SEMA3A: variants seen among roughly 807,000 people sequenced by gnomAD.
SEMA3A encodes semaphorin-3A.
SEMA3A carries 29 observed loss-of-function variants against 97.9 expected under a neutral mutation model. The ratio of observed to expected loss-of-function variants is 0.30; its 90% CI spans 0.22 to 0.40. The LOEUF is 0.40. Among genes scored for constraint, SEMA3A ranks in the 10% least tolerant of loss-of-function variants. The pLI, the probability that SEMA3A is intolerant of heterozygous loss-of-function variation, is 1.00. For missense variants in SEMA3A, 763 were observed against 951.3 expected, an observed-to-expected ratio of 0.80 and a Z score of 2.60; for synonymous variants, 321 against 323.7, an observed-to-expected ratio of 0.99 and a Z score of 0.09.
chr7:83,975,321 C>G (rs1789099823), intron 15 of SEMA3A, among the ~76,000 whole-genome samples: 1 of 151,926 alleles, frequency 6.6e-6, no homozygotes, highest in Admixed American at 6.6e-5. Flanking sequence ...TAAAAATTTT[C>G]AAAACACAGC....
chr7:84,347,077 T>C (rs1171629810), intron 2 of SEMA3A, among the ~76,000 whole-genome samples: 1 of 152,210 alleles, frequency 6.6e-6, no homozygotes, highest in Admixed American at 6.5e-5. Flanking sequence ...AATTTACCTG[T>C]ATTATTTGTG....
chr7:84,149,514 A>G (rs1796564511), intron 1 of SEMA3A, among the ~76,000 whole-genome samples: 1 of 152,214 alleles, frequency 6.6e-6, no homozygotes, highest in Non-Finnish European at 1.5e-5. Context: ...TGGAAAGGAC[A>G]ATAGACTAAA....
chr7:84,385,492 C>T (rs1015455948), intron 1 of SEMA3A, among the ~76,000 whole-genome samples: 7 of 152,186 alleles, frequency 4.6e-5, no homozygotes, highest in Non-Finnish European at 4.4e-5. Context: ...CGTTTCATTG[C>T]TAGTACAACT....
intron 12 of SEMA3A, among the ~76,000 whole-genome samples, chr7:83,991,126 T>A (rs1215574380): frequency 2.0e-5 from 3 of 150,392 alleles, no homozygotes; most frequent in African/African-American, 7.3e-5. Flanking sequence ...TGTTTGTCTG[T>A]TGTTGGTGTA....
intron 4 of SEMA3A, among the ~76,000 whole-genome samples, chr7:84,087,070 G>A (rs1794404733): frequency 6.6e-6 from 1 of 151,960 alleles, no homozygotes; most frequent in South Asian, 2.1e-4. Flanking sequence ...AACAAAGATG[G>A]TACATTTGCT....
At chr7:84,396,611 T>C (rs1421942773) in intron 1 of SEMA3A, among the ~76,000 whole-genome samples, 1 of 151,974 alleles carries the variant, frequency 6.6e-6, no homozygotes, top group Non-Finnish European at 1.5e-5. Context: ...AAAGAAAATA[T>C]TTGTTTTCAG....
At chr7:84,249,957 G>A (rs1799567925) in intron 3 of SEMA3A, among the ~76,000 whole-genome samples, 2 of 150,834 alleles carry the variant, frequency 1.3e-5, no homozygotes, top group Admixed American at 6.6e-5. Flanking sequence ...TCTGAGACTG[G>A]TATTCTTTCT....
At chr7:84,363,725 ATTG>A (rs1802780014) in intron 2 of SEMA3A, among the ~76,000 whole-genome samples, 1 of 151,844 alleles carries the variant, frequency 6.6e-6, no homozygotes, top group African/African-American at 2.4e-5. Context: ...TTTTTGTGAT[ATTG>A]TTATCAATTC....
At chr7:84,283,484 T>G (rs775251820) in intron 3 of SEMA3A, among the ~76,000 whole-genome samples, 18 of 152,074 alleles carry the variant, frequency 1.2e-4, no homozygotes, top group Non-Finnish European at 2.2e-4. Context: ...AGTGCTCTCA[T>G]TTACTAAGTG....
chr7:84,245,611 T>A (rs1172362287), intron 3 of SEMA3A, among the ~76,000 whole-genome samples: 4 of 151,788 alleles, frequency 2.6e-5, no homozygotes, highest in African/African-American at 9.7e-5. Context: ...GTCAGGCCCC[T>A]CTGCTGCAGG....
intron 3 of SEMA3A, among the ~76,000 whole-genome samples, chr7:84,259,279 T>C (rs1403283590): frequency 6.6e-6 from 1 of 152,086 alleles, no homozygotes; most frequent in Non-Finnish European, 1.5e-5. Context: ...ATGAAGAGAG[T>C]TTTGTTTCTT....
At chr7:84,147,005 C>T (rs2116097508) in intron 1 of SEMA3A, among the ~76,000 whole-genome samples, 1 of 152,244 alleles carries the variant, frequency 6.6e-6, no homozygotes, top group Middle Eastern at 3.4e-3. Context: ...CAGTCTTGCT[C>T]AATTATTTAC....
At chr7:84,291,685 A>G (rs1036405940) in intron 3 of SEMA3A, among the ~76,000 whole-genome samples, 2 of 152,138 alleles carry the variant, frequency 1.3e-5, no homozygotes, top group Non-Finnish European at 2.9e-5. Context: ...ATATAATAGA[A>G]GATGATTTTC....
At chr7:84,369,566 C>T (rs1432470506) in intron 2 of SEMA3A, among the ~76,000 whole-genome samples, 4 of 150,710 alleles carry the variant, frequency 2.7e-5, no homozygotes, top group Admixed American at 1.3e-4. Context: ...ATATATTCAA[C>T]CCCCAAATTC....
chr7:84,059,061 C>A (rs1793111037), intron 5 of SEMA3A, among the ~76,000 whole-genome samples: 1 of 152,086 alleles, frequency 6.6e-6, no homozygotes. Flanking sequence ...AATACCTATC[C>A]TTTTTTCAGT....
intron 14 of SEMA3A, among the ~76,000 whole-genome samples, chr7:83,977,609 T>C (rs1789204727): frequency 6.6e-6 from 1 of 151,990 alleles, no homozygotes; most frequent in African/African-American, 2.4e-5. Flanking sequence ...ACTTTTTTTC[T>C]GATTATTAAT....
intron 3 of SEMA3A, among the ~76,000 whole-genome samples, chr7:84,280,735 C>T (rs181030234): frequency 3.3e-5 from 5 of 151,996 alleles, no homozygotes; most frequent in African/African-American, 9.6e-5. Flanking sequence ...GACTTGAGAT[C>T]GCCACTGCAC....
chr7:84,306,183 T>C (rs1801149350), intron 3 of SEMA3A, among the ~76,000 whole-genome samples: 2 of 152,038 alleles, frequency 1.3e-5, no homozygotes, highest in African/African-American at 4.8e-5. Flanking sequence ...TTTTTGTGTA[T>C]GTAAATGATA....
chr7:84,077,329 C>A (rs1793989634), intron 4 of SEMA3A, among the ~76,000 whole-genome samples: 1 of 151,992 alleles, frequency 6.6e-6, no homozygotes, highest in Non-Finnish European at 1.5e-5. Flanking sequence ...GTTTTTAGTT[C>A]CAAATTGTGA....
Sources: allele counts gnomAD v4.1 joint callset (sites outside exome capture counted in the v4.1 genomes callset), GRCh38; gene constraint gnomAD v4.1.1; transcripts MANE v1.5; gene names NCBI Gene and HGNC (gene_info 2026-07-23, HGNC 2026-07-21).